The following ZPBP variants were observed in gnomAD, a reference collection of about 807,000 sequenced individuals.
ZPBP encodes the protein zona pellucida-binding protein 1.
In ZPBP, 26 loss-of-function variants were observed where a neutral mutation model predicts 44.8. The observed-to-expected ratio is 0.58, with a 90% CI of 0.43 to 0.81. The LOEUF (loss-of-function observed/expected upper bound fraction) is 0.81. Among genes scored for constraint, ZPBP ranks in the 30% least tolerant of loss-of-function variants. The pLI, the probability that ZPBP is intolerant of heterozygous loss-of-function variation, is 0.00. For missense variants in ZPBP, 409 were observed against 434.0 expected (o/e 0.94, Z 0.51); for synonymous variants, 174 against 153.2 (o/e 1.14, Z -1.00).
chr7:49,929,295 T>G (rs967695110), intron 1 of ZPBP, among the ~76,000 whole-genome samples: 11 of 152,194 alleles, frequency 7.2e-5, no homozygotes, highest in African/African-American at 2.7e-4. Flanking sequence ...GAAGGAGAGA[T>G]GCACCTCCGC....
intron 5 of ZPBP, among the ~76,000 whole-genome samples, chr7:50,030,251 G>T (rs1182200660): frequency 1.3e-5 from 2 of 152,054 alleles, no homozygotes; most frequent in Non-Finnish European, 2.9e-5. Flanking sequence ...ACAGGGAAGG[G>T]AAGGGGAATA....
At chr7:49,862,667 T>C (rs1385645832) in intron 2 of ZPBP, among the ~76,000 whole-genome samples, 1 of 152,036 alleles carries the variant, frequency 6.6e-6, no homozygotes, top group Non-Finnish European at 1.5e-5. Flanking sequence ...TTTTTTTCAT[T>C]ATAATAGATC....
chr7:49,961,841 G>A (rs1385776207), intron 7 of ZPBP, among the ~76,000 whole-genome samples: 1 of 151,998 alleles, frequency 6.6e-6, no homozygotes. Flanking sequence ...TAAAATTGCT[G>A]TAAATCTTAG....
intron 7 of ZPBP, among the ~76,000 whole-genome samples, chr7:49,967,304 G>T (rs1796101605): frequency 6.6e-6 from 1 of 152,144 alleles, no homozygotes; most frequent in African/African-American, 2.4e-5. Flanking sequence ...TTTGGAATAA[G>T]AATATCAATC....
At chr7:50,035,819 C>T (rs1047883614) in intron 4 of ZPBP, among the ~76,000 whole-genome samples, 1 of 151,706 alleles carries the variant, frequency 6.6e-6, no homozygotes, top group Non-Finnish European at 1.5e-5. Context: ...AAAATGTAAA[C>T]CCTCAAAATG....
intron 2 of ZPBP, among the ~76,000 whole-genome samples, chr7:50,082,234 C>T (rs931999930): frequency 4.0e-5 from 6 of 151,688 alleles, no homozygotes; most frequent in African/African-American, 7.3e-5. Context: ...TAAGATAATA[C>T]TATATCTACA....
intron 2 of ZPBP, among the ~76,000 whole-genome samples, chr7:49,865,493 G>T (rs752020648): frequency 5.3e-5 from 8 of 152,210 alleles, no homozygotes; most frequent in African/African-American, 1.7e-4. Flanking sequence ...TGGCTGATAT[G>T]TCTGGGCTGG....
chr7:50,066,748 G>C (rs940883226), intron 3 of ZPBP, among the ~76,000 whole-genome samples: 1 of 152,166 alleles, frequency 6.6e-6, no homozygotes, highest in African/African-American at 2.4e-5. Flanking sequence ...GTCAGCTTTC[G>C]GGATGTGATT....
intron 7 of ZPBP, among the ~76,000 whole-genome samples, chr7:49,944,644 A>C (rs1054869625): frequency 3.3e-5 from 5 of 152,080 alleles, no homozygotes; most frequent in African/African-American, 1.2e-4. Context: ...TAGGTTTTCC[A>C]ATTTATTGGC....
intron 7 of ZPBP, among the ~76,000 whole-genome samples, chr7:49,961,505 G>A (rs117203540): frequency 6.6e-6 from 1 of 152,084 alleles, no homozygotes; most frequent in Non-Finnish European, 1.5e-5. Flanking sequence ...ACAGGGCAGG[G>A]GACTTTTCTT....
intron 5 of ZPBP, among the ~76,000 whole-genome samples, chr7:50,024,160 G>T (rs1462462869): frequency 2.6e-5 from 4 of 151,972 alleles, no homozygotes; most frequent in Non-Finnish European, 5.9e-5. Flanking sequence ...GATAGATAAT[G>T]TAGTGGTGAC....
chr7:49,854,389 T>C (rs2128717800), intron 2 of ZPBP, among the ~76,000 whole-genome samples: 1 of 152,272 alleles, frequency 6.6e-6, no homozygotes, highest in Admixed American at 6.5e-5. Flanking sequence ...TTCCTGACTT[T>C]TTAATGATCG....
At chr7:49,938,854 A>G (rs1402752695) in intron 7 of ZPBP, among the ~76,000 whole-genome samples, 1 of 152,212 alleles carries the variant, frequency 6.6e-6, no homozygotes, top group Non-Finnish European at 1.5e-5. Context: ...ATTTGGATCT[A>G]GTTCACACTA....
chr7:50,024,227 C>T (rs1942635396), intron 5 of ZPBP, among the ~76,000 whole-genome samples: 1 of 151,836 alleles, frequency 6.6e-6, no homozygotes, highest in Admixed American at 6.6e-5. Context: ...GTTGGTACAA[C>T]AATTGTAGAA....
chr7:49,919,053 T>TA (rs34882788), intron 1 of ZPBP: 88,641 of 143,276 alleles, frequency 0.62, 27,645 homozygotes, highest in East Asian at 0.83. Context: ...AGACTCTGTT[T>TA]AAAAAAAAAA....
At chr7:50,043,722 A>G (rs1427844454) in intron 4 of ZPBP, among the ~76,000 whole-genome samples, 1 of 152,160 alleles carries the variant, frequency 6.6e-6, no homozygotes, top group Non-Finnish European at 1.5e-5. Context: ...ATAGTAGGAG[A>G]CTTTAAGACC....
intron 2 of ZPBP, among the ~76,000 whole-genome samples, chr7:49,886,984 T>A (rs1791932441): frequency 6.6e-6 from 1 of 152,208 alleles, no homozygotes; most frequent in Admixed American, 6.5e-5. Context: ...TACCTTCATT[T>A]TTACTTTTAC....
At chr7:50,009,282 C>T (rs1412216522) in intron 6 of ZPBP, among the ~76,000 whole-genome samples, 1 of 149,116 alleles carries the variant, frequency 6.7e-6, no homozygotes, top group Non-Finnish European at 1.5e-5. Context: ...TTTGTAAATT[C>T]TTAAAACTTA....
At chr7:50,041,742 T>C (rs1431027264) in intron 4 of ZPBP, among the ~76,000 whole-genome samples, 2 of 151,896 alleles carry the variant, frequency 1.3e-5, no homozygotes, top group Non-Finnish European at 2.9e-5. Context: ...AGGCTGAAAA[T>C]TCCAAAAACC....
Sources: allele counts gnomAD v4.1 joint callset (sites outside exome capture counted in the v4.1 genomes callset), GRCh38; gene constraint gnomAD v4.1.1; transcripts MANE v1.5; gene names NCBI Gene and HGNC (gene_info 2026-07-23, HGNC 2026-07-21).